ZZEF1: variants seen among roughly 807,000 people sequenced by gnomAD.
The protein encoded by ZZEF1 is zinc finger ZZ-type and EF-hand domain-containing protein 1.
A neutral mutation model predicts 342.8 loss-of-function variants in ZZEF1; 157 were observed. That is an observed-to-expected ratio of 0.46 (90% CI 0.40 to 0.52). ZZEF1 has a LOEUF of 0.52. Among genes scored for constraint, ZZEF1 ranks in the 20% least tolerant of loss-of-function variants. The pLI is 0.00. For missense variants in ZZEF1, 3,480 were observed against 3,725.6 expected, an observed-to-expected ratio of 0.93 and a Z score of 1.72; for synonymous variants, 1,505 against 1,429.1, an observed-to-expected ratio of 1.05 and a Z score of -1.20.
chr17:4,017,283 C>A lies in ZZEF1; in HGVS notation c.8001+88G>T. The A allele has an allele frequency of 1.3e-6, 2 of 1,513,102 alleles. No individual in the cohort carries two copies. Among genetic ancestry groups the A allele is most frequent in the South Asian group, 1.3e-5 (1 of 78,336 alleles). 93.7% of individuals were successfully genotyped at this position (1,513,102 alleles called of 1,614,324 possible). A position where few individuals can be genotyped will look rare whatever the true frequency, so the allele number is the denominator to read the frequency against. ...GGGAGCTGCACAGCCACACAGGTAGCCTCGCTCCAGGAAGCACTCACTGGA... is the reference window on the plus strand; with the variant it reads ...GGGAGCTGCACAGCCACACAGGTAGACTCGCTCCAGGAAGCACTCACTGGA... On this transcript the variant is annotated intron_variant, in intron 48 of 54. Coordinates refer to ENST00000381638, the MANE Select transcript of ZZEF1 (RefSeq NM_015113.4). The surrounding 1 kb of genome is among the most constrained non-coding windows in gnomAD (Gnocchi z 5.1).
In ZZEF1 at chr17:4,101,130, G is replaced by A. The variant is rs2145433001; in HGVS notation, c.1672+1187C>T. 1.3e-5 allele frequency among the ~76,000 whole-genome samples: 2 copies of A among 152,308 alleles called. 1 individual carries two copies. Among genetic ancestry groups the A allele is most frequent in the Admixed American group, 1.3e-4 (2 of 15,304 alleles). Reference sequence around the variant, plus strand: ...GCTGAGCTGCTCAGGGAAAACCACAGGGAAACAATCTGCTTTAAGCATCTA... The same window carrying A: ...GCTGAGCTGCTCAGGGAAAACCACAAGGAAACAATCTGCTTTAAGCATCTA... On this transcript the variant is annotated intron_variant, in intron 9 of 54. Transcript: ENST00000381638.
rs529861951 is a variant in ZZEF1 at position 4,089,815 on chromosome 17, C to T, written c.2025+904G>A. On this transcript the variant is annotated intron_variant, in intron 12 of 54. Transcript: ENST00000381638. ...TTCTCTCAGCCTGAGACGCCCTCCT[C>T]CACACACTGCAGCCTGGCTAAGGAT... Among the ~76,000 whole-genome samples, 407 of 44,456 alleles carry T rather than the reference C, an allele frequency of 9.2e-3. 3 individuals carry two copies. Among genetic ancestry groups the T allele is most frequent in the African/African-American group, 0.029 (392 of 13,386 alleles). 29.2% of individuals were successfully genotyped at this position (44,456 alleles called of 152,430 possible).
chr17:4,124,133 C>A (rs1206261236), intron 1 of ZZEF1, 82 bp from the exon 2 acceptor site: 16 of 1,451,510 alleles, frequency 1.1e-5, no homozygotes, highest in South Asian at 1.5e-5. Context: ...TTAAAATTCT[C>A]GAGACCGGTG....
intron 29 of ZZEF1, 76 bp from the exon 30 acceptor site, chr17:4,062,993 C>A: frequency 1.4e-6 from 2 of 1,443,226 alleles, no homozygotes; most frequent in Non-Finnish European, 1.9e-6. Context: ...CCCGCCAAAG[C>A]CCTGATGCCA....
At chr17:4,141,716 G>C (rs1456661000) in intron 1 of ZZEF1, among the ~76,000 whole-genome samples, 1 of 25,726 alleles carries the variant, frequency 3.9e-5, no homozygotes, top group South Asian at 6.1e-3. Context: ...AAAGTTGAAA[G>C]AAAGAAAAAA....
chr17:4,099,112 T>C (rs1345659213), intron 9 of ZZEF1, among the ~76,000 whole-genome samples: 1 of 151,906 alleles, frequency 6.6e-6, no homozygotes. Context: ...CCACCAAATA[T>C]GCAATGACAT....
In ZZEF1 at chr17:4,066,757, AAAG is replaced by A. The variant is rs372594294; in HGVS notation, c.4156-220_4156-218del. Among the ~76,000 whole-genome samples, 1,093 of 152,262 alleles carry A rather than the reference AAAG, an allele frequency of 7.2e-3. 13 individuals carry two copies. Among genetic ancestry groups the A allele is most frequent in the African/African-American group, 0.025 (1,043 of 41,540 alleles). On this transcript the variant is annotated intron_variant, in intron 27 of 54. Transcript: ENST00000381638. ...TCTCTAAAGCCTATCTAGTACTGAT[AAAG>A]AAGAAGCTGAGATCTAGAGAAATGA...
rs372625165 is a variant in ZZEF1, at chr17:4,062,455, C to A, written c.4883+298G>T. ...CTCAGATTAATATCTTTTCTGTAAG[C>A]CTTATATTTAGCTCACAGCTTCCAG... On this transcript the variant is annotated intron_variant, in intron 30 of 54. Coordinates refer to ENST00000381638, the MANE Select transcript of ZZEF1 (RefSeq NM_015113.4). 1.6e-3 allele frequency among the ~76,000 whole-genome samples: 248 copies of A among 151,748 alleles called. 11 individuals are homozygous for A. The South Asian group carries it at 0.05, about 31-fold the overall frequency.
Position 4,050,948 on chromosome 17 carries a change from G to T in ZZEF1, c.5696C>A (p.Ser1899Tyr). The T allele has an allele frequency of 3.7e-6, 6 of 1,614,262 alleles. No individual in the cohort carries two copies. Among genetic ancestry groups the T allele is most frequent in the Non-Finnish European group, 5.1e-6 (6 of 1,180,048 alleles). The change falls in exon 36 of 55, where the codon TCC (serine) becomes TAC (tyrosine). Residue 1899 changes from serine (S) to tyrosine (Y), a missense_variant. Physicochemically the swap from Ser to Tyr is moderately radical, Grantham distance 144. Coordinates refer to ENST00000381638, the MANE Select transcript of ZZEF1 (RefSeq NM_015113.4). The stretch of plus-strand genomic sequence containing the variant: ...AGCCAGGGCAGCAAAGAGCAGCCAG[G>T]AGTAGTTATGGATATATGGCTGGAT... Reference protein sequence around the residue: ...RLIQPYIHNYSWLLFAALALY... With the variant: ...RLIQPYIHNYYWLLFAALALY...
intron 1 of ZZEF1, among the ~76,000 whole-genome samples, chr17:4,133,082 T>G (rs2058695378): frequency 6.6e-6 from 1 of 152,130 alleles, no homozygotes; most frequent in Non-Finnish European, 1.5e-5. Flanking sequence ...CTTCCCAAAT[T>G]GTTCACATTA....
chr17:4,084,897 G>C (rs781202247), intron 16 of ZZEF1, among the ~76,000 whole-genome samples: 1 of 152,206 alleles, frequency 6.6e-6, no homozygotes, highest in Non-Finnish European at 1.5e-5. Flanking sequence ...CCAATCACTT[G>C]AGCCTTGGGC....
At chr17:4,053,520 C>T (rs2057093519) in intron 34 of ZZEF1, among the ~76,000 whole-genome samples, 1 of 152,238 alleles carries the variant, frequency 6.6e-6, no homozygotes, top group Non-Finnish European at 1.5e-5. Context: ...TATAACTCAG[C>T]ACACACATTC....
chr17:4,008,761 G>C lies in ZZEF1; in HGVS notation c.8805+122C>G. 2.7e-6 allele frequency: 4 copies of C among 1,456,594 alleles called. No individual in the cohort carries two copies. The highest frequency in any genetic ancestry group is 3.6e-6 in the Non-Finnish European group (4 of 1,101,758). 90.2% of individuals were successfully genotyped at this position (1,456,594 alleles called of 1,614,324 possible). On this transcript the variant is annotated intron_variant, in intron 54 of 54. Transcript: ENST00000381638. This position sits in a 1 kb window ranked among gnomAD's most constrained non-coding sequence, Gnocchi z 4.2. ...AAGTGACTGAACTGGAACAAGCTCTGTGTAAGCTCCGGGTGGATTCTGTCC... is the reference window on the plus strand; with the variant it reads ...AAGTGACTGAACTGGAACAAGCTCTCTGTAAGCTCCGGGTGGATTCTGTCC...
intron 1 of ZZEF1, among the ~76,000 whole-genome samples, chr17:4,137,668 A>G (rs2058774644): frequency 6.6e-6 from 1 of 152,204 alleles, no homozygotes; most frequent in Admixed American, 6.5e-5. Flanking sequence ...CCTCATCACC[A>G]TCCACAGCCA....
rs1177050273 is a variant in ZZEF1 at position 4,014,090 on chromosome 17, C to T, written c.8413G>A (p.Gly2805Arg). The change falls in exon 51 of 55, where the codon GGA becomes AGA. Residue 2805 changes from glycine (G) to arginine (R), a missense_variant and splice_region_variant. Around this residue, in one of 5 missense-constraint regions of ZZEF1, gnomAD observed 1,269 missense variants for 1,342.4 expected, o/e 0.95. Transcript: ENST00000381638. This position sits in a 1 kb window ranked among gnomAD's most constrained non-coding sequence, Gnocchi z 4.4. Reference sequence around the variant, plus strand: ...TGAACGCAAAGCCCAGAGCACACACCTGTCTGGAACCGCCCCAGGTGTCCG... The same window carrying T: ...TGAACGCAAAGCCCAGAGCACACACTTGTCTGGAACCGCCCCAGGTGTCCG... ...TAGHLGRFQTGFEILKQMLSE... is the reference protein window; with the variant it reads ...TAGHLGRFQTRFEILKQMLSE... 1 of 1,614,054 alleles carries T rather than the reference C, an allele frequency of 6.2e-7. No individual in the cohort carries two copies. The highest frequency in any genetic ancestry group is 8.5e-7 in the Non-Finnish European group (1 of 1,179,998).
Position 4,018,096 on chromosome 17 carries a change from T to G in ZZEF1, c.7506-125A>C. 5 of 1,291,872 alleles carry G rather than the reference T, an allele frequency of 3.9e-6. No homozygotes were observed. The East Asian group carries it at 1.2e-4, about 31-fold the overall frequency. 80.0% of individuals were successfully genotyped at this position (1,291,872 alleles called of 1,614,324 possible). On this transcript the variant is annotated intron_variant, in intron 46 of 54. Transcript: ENST00000381638. ...TGTTAGTATCAATGACATTATCATA[T>G]TCCGTGTTTTGCCAACTGGATTCAC...
At chr17:4,029,270 C>G (rs77093767) in intron 42 of ZZEF1, among the ~76,000 whole-genome samples, 1,651 of 152,160 alleles carry the variant, frequency 0.011, 21 homozygotes, top group African/African-American at 0.038. Context: ...AAAATATGCT[C>G]TATGACCACA....
intron 18 of ZZEF1, 93 bp from the exon 19 acceptor site, chr17:4,078,135 C>T: frequency 7.7e-7 from 1 of 1,296,864 alleles, no homozygotes; most frequent in Non-Finnish European, 1.0e-6. Flanking sequence ...CTGTCACCAG[C>T]AAAAACAAAC....
intron 42 of ZZEF1, among the ~76,000 whole-genome samples, chr17:4,031,699 G>A: frequency 6.6e-6 from 1 of 152,282 alleles, no homozygotes; most frequent in South Asian, 2.1e-4. Context: ...GGGCATTTGT[G>A]ATATAATACT....
Sources: allele counts gnomAD v4.1 joint callset (sites outside exome capture counted in the v4.1 genomes callset), GRCh38; gene constraint gnomAD v4.1.1; regional missense constraint gnomAD v4.1.1; non-coding constraint Gnocchi (gnomAD v3.1); transcripts MANE v1.5; gene names NCBI Gene and HGNC (gene_info 2026-07-23, HGNC 2026-07-21).